EXOC3L4: variants seen among roughly 807,000 people sequenced by gnomAD.
EXOC3L4 encodes exocyst complex component 3 like 4.
Under a neutral mutation model 69.7 loss-of-function variants are expected in EXOC3L4, and 62 were observed. That is an observed-to-expected ratio of 0.89 (90% CI 0.72 to 1.10). EXOC3L4 has a LOEUF of 1.10. Ranked by LOEUF, EXOC3L4 falls within the 50% of genes least tolerant of loss-of-function variation. The probability of loss-of-function intolerance (pLI) is 0.00; values close to 1 mark genes in which losing one functional copy is unlikely to be tolerated. For missense variants in EXOC3L4, 1,087 were observed against 1,034.8 expected, an observed-to-expected ratio of 1.05 and a Z score of -0.69; for synonymous variants, 502 against 464.2, an observed-to-expected ratio of 1.08 and a Z score of -1.05.
At chr14:103,107,270 G>T (rs1293842455) in intron 8 of EXOC3L4, among the ~76,000 whole-genome samples, 154 bp from the exon 9 acceptor site, 1 of 152,224 alleles carries the variant, frequency 6.6e-6, no homozygotes, top group Non-Finnish European at 1.5e-5. Context: ...AGGCATTCTG[G>T]GAAAGGGCTC....
chr14:103,110,431 T>C lies in EXOC3L4; in HGVS notation c.*208T>C. 1.4e-6 allele frequency: 1 copy of C among 702,848 alleles called. No individual in the cohort carries two copies. Among genetic ancestry groups the C allele is most frequent in the South Asian group, 1.5e-5 (1 of 66,882 alleles). 43.5% of individuals were successfully genotyped at this position (702,848 alleles called of 1,614,324 possible). ...TTCAGGCATCGTTGAGGGGAGTGTT[T>C]TGGGGCCGCAGAGCTCTCAATGCTG... On this transcript the variant is annotated 3_prime_UTR_variant, in exon 12 of 12. Coordinates refer to ENST00000688303, the MANE Select transcript of EXOC3L4 (RefSeq NM_001077594.2).
At chr14:103,094,325 G>T (rs980599958), upstream of EXOC3L4, among the ~76,000 whole-genome samples, 3 of 152,178 alleles carry the variant, frequency 2.0e-5, no homozygotes, top group African/African-American at 7.2e-5. Flanking sequence ...GGATGAACTC[G>T]ATGGACTGGC....
At chr14:103,108,094 A>T (rs1270880235) in intron 10 of EXOC3L4, among the ~76,000 whole-genome samples, 1 of 152,180 alleles carries the variant, frequency 6.6e-6, no homozygotes, top group Admixed American at 6.5e-5. Context: ...TGGAGGCACC[A>T]GCGCCCCTGC....
At chr14:103,105,432 GGT>G (rs1157288713) in intron 7 of EXOC3L4, among the ~76,000 whole-genome samples, 1 of 151,580 alleles carries the variant, frequency 6.6e-6, no homozygotes, top group Admixed American at 6.6e-5. Flanking sequence ...GGAGCTGAGT[GGT>G]GTGTGTGTGT....
rs1223995648 is a variant in EXOC3L4, at chr14:103,103,986, G to C, written c.1095G>C (p.Pro365=). ...GAPGLALPAE[P]LPPLLAPDVW... The stretch of plus-strand genomic sequence containing the variant: ...CGGGGCTGGCGCTGCCCGCCGAGCC[G>C]CTGCCTCCGCTCCTGGCGCCGGACG... Residue 365 remains proline, a synonymous_variant, in exon 4 of 12, where the codon CCG becomes CCC. Coordinates refer to ENST00000688303, the MANE Select transcript of EXOC3L4 (RefSeq NM_001077594.2). 2.5e-6 allele frequency: 4 copies of C among 1,569,402 alleles called. No individual in the cohort carries two copies. Among genetic ancestry groups the C allele is most frequent in the Admixed American group, 1.8e-5 (1 of 56,032 alleles).
intron 8 of EXOC3L4, 138 bp from the exon 9 acceptor site, chr14:103,107,286 A>C: frequency 1.5e-6 from 2 of 1,360,750 alleles, no homozygotes; most frequent in Non-Finnish European, 2.0e-6. Context: ...GGCTCGTGAC[A>C]TAACCTGTGG....
At chr14:103,104,924 G>C in intron 6 of EXOC3L4, 68 bp from the exon 7 acceptor site, 1 of 1,574,600 alleles carries the variant, frequency 6.4e-7, no homozygotes, top group East Asian at 2.3e-5. Flanking sequence ...GACCTGATTG[G>C]GAGGGTGGAC....
At position 103,106,699 on chromosome 14, in the gene EXOC3L4, CTAAG is replaced by C. The variant is rs767590826; in HGVS notation, c.1467-84_1467-81del. 8 of 791,454 alleles carry C rather than the reference CTAAG, an allele frequency of 1.0e-5. No individual in the cohort carries two copies. The East Asian group carries it at 1.7e-4, about 17-fold the overall frequency. 49.0% of individuals were successfully genotyped at this position (791,454 alleles called of 1,614,324 possible). ...CACGGGCTGCCCTTCACATTGTAGTCTAAGTGAGTGGAGCTGTGTGCCCGGCTCT... is the reference window on the plus strand; with the variant it reads ...CACGGGCTGCCCTTCACATTGTAGTCTGAGTGGAGCTGTGTGCCCGGCTCT... On this transcript the variant is annotated intron_variant, in intron 7 of 11. Transcript: ENST00000688303.
chr14:103,095,644 G>A (rs1889857481), intron 1 of EXOC3L4, among the ~76,000 whole-genome samples: 1 of 152,202 alleles, frequency 6.6e-6, no homozygotes, highest in Non-Finnish European at 1.5e-5. Context: ...AGCTAAGGAT[G>A]GAGCTGTGCT....
chr14:103,099,578 C>A (rs1326946327), intron 1 of EXOC3L4, among the ~76,000 whole-genome samples: 1 of 152,340 alleles, frequency 6.6e-6, no homozygotes, highest in South Asian at 2.1e-4. Context: ...CATGATAAGC[C>A]GCAGGGTGGC....
chr14:103,099,968 T>C (rs547326050), intron 1 of EXOC3L4, among the ~76,000 whole-genome samples: 8 of 152,298 alleles, frequency 5.3e-5, no homozygotes, highest in African/African-American at 1.9e-4. Context: ...TTTTGGGGGA[T>C]GGTCTCAGGA....
chr14:103,106,999 G>T, intron 8 of EXOC3L4, 100 bp downstream of exon 8: 1 of 1,022,560 alleles, frequency 9.8e-7, no homozygotes, highest in South Asian at 1.6e-5. Context: ...ATTTATTCCA[G>T]GGTGAGCTCA....
In EXOC3L4 at chr14:103,107,825, G is replaced by A; in HGVS notation, c.1854+42G>A. The A allele has an allele frequency of 2.0e-6, 3 of 1,469,664 alleles. 1 individual carries two copies. The highest frequency in any genetic ancestry group is 2.7e-5 in the South Asian group (2 of 73,340). 91.0% of individuals were successfully genotyped at this position (1,469,664 alleles called of 1,614,324 possible). A position where few individuals can be genotyped will look rare whatever the true frequency, so the allele number is the denominator to read the frequency against. ...TGCCCTTCGGTGCTCGCCTCTGTGT[G>A]GGGAGTGGTGGCAGTGACTAGGGCC... On this transcript the variant is annotated intron_variant, in intron 10 of 11. Coordinates refer to ENST00000688303, the MANE Select transcript of EXOC3L4 (RefSeq NM_001077594.2).
At chr14:103,108,957 C>G (rs1425972374) in intron 11 of EXOC3L4, among the ~76,000 whole-genome samples, 1 of 151,974 alleles carries the variant, frequency 6.6e-6, no homozygotes, top group Non-Finnish European at 1.5e-5. Context: ...ATGTGGAGCT[C>G]ACAGAAAGCC....
At chr14:103,103,791 C>CACGTGT in intron 3 of EXOC3L4, 150 bp from the exon 4 acceptor site, 1 of 459,262 alleles carries the variant, frequency 2.2e-6, no homozygotes, top group East Asian at 4.4e-5. Flanking sequence ...CCTAGAGGCG[C>CACGTGT]GCGCGCGTGT....
At chr14:103,105,326 CTG>C (rs552751077) in intron 7 of EXOC3L4, among the ~76,000 whole-genome samples, 49 of 141,448 alleles carry the variant, frequency 3.5e-4, no homozygotes, top group African/African-American at 1.1e-3. Context: ...AGAGCTGAGG[CTG>C]TGTGTGTGCG....
intron 11 of EXOC3L4, among the ~76,000 whole-genome samples, chr14:103,108,988 A>C (rs1485898566): frequency 1.3e-5 from 2 of 151,836 alleles, no homozygotes; most frequent in African/African-American, 4.8e-5. Context: ...CCCCTTCCCC[A>C]GGCCACCCTG....
chr14:103,108,288 G>C, intron 10 of EXOC3L4, 108 bp from the exon 11 acceptor site: 3 of 1,490,176 alleles, frequency 2.0e-6, no homozygotes, highest in Admixed American at 3.8e-5. Flanking sequence ...ACTACAGGAG[G>C]GCTGACGCTG....
intron 11 of EXOC3L4, 55 bp from the exon 12 acceptor site, chr14:103,109,976 G>A: frequency 2.0e-6 from 3 of 1,512,884 alleles, no homozygotes; most frequent in Non-Finnish European, 2.7e-6. Flanking sequence ...TCATGCTGGG[G>A]CTGGGGGTGT....
Sources: allele counts gnomAD v4.1 joint callset (sites outside exome capture counted in the v4.1 genomes callset), GRCh38; gene constraint gnomAD v4.1.1; transcripts MANE v1.5; gene names NCBI Gene and HGNC (gene_info 2026-07-23, HGNC 2026-07-21).